LPIN3: variants seen among roughly 807,000 people sequenced by gnomAD.
LPIN3 encodes phosphatidate phosphatase LPIN3.
A neutral mutation model predicts 94.7 loss-of-function variants in LPIN3; 82 were observed. That is an observed-to-expected ratio of 0.87 (90% confidence interval 0.72 to 1.04). The LOEUF is 1.04. Ranked by LOEUF, LPIN3 falls within the 50% of genes least tolerant of loss-of-function variation. The pLI, the probability that LPIN3 is intolerant of heterozygous loss-of-function variation, is 0.00. For synonymous variants in LPIN3, 418 were observed against 443.3 expected (o/e 0.94, Z 0.72); for missense variants, 996 against 1,090.5 (o/e 0.91, Z 1.22).
chr20:41,350,280 A>G lies in LPIN3; in HGVS notation c.985A>G (p.Ser329Gly). The change falls in exon 7 of 20, where the codon AGC becomes GGC. Residue 329 changes from serine (S) to glycine (G), a missense_variant. Physicochemically the swap from Ser to Gly is moderately conservative, Grantham distance 56. Transcript: ENST00000373257. ...PPLHTPETEE[S>G]KTQSSGDMGL... ...TCTCCACACCCCAGAGACAGAGGAAAGCAAGACTCAGAGCTCTGGGGACAT... is the reference window on the plus strand; with the variant it reads ...TCTCCACACCCCAGAGACAGAGGAAGGCAAGACTCAGAGCTCTGGGGACAT... The G allele has an allele frequency of 6.2e-7, 1 of 1,613,788 alleles. No homozygotes were observed. Among genetic ancestry groups the G allele is most frequent in the Non-Finnish European group, 8.5e-7 (1 of 1,179,852 alleles).
In LPIN3 at chr20:41,352,845, C is replaced by T. The variant is rs1436929498; in HGVS notation, c.1505C>T (p.Ala502Val). 2 of 1,614,090 alleles carry T rather than the reference C, an allele frequency of 1.2e-6. No individual in the cohort carries two copies. The highest frequency in any genetic ancestry group is 1.7e-6 in the Non-Finnish European group (2 of 1,180,046). ...VAAPMILSLQ[A>V]FQKNLPKSTM... Reference sequence around the variant, plus strand: ...GCCCCCATGATCCTCTCCCTGCAAGCCTTCCAGAAAAACTTGCCCAAGGTA... The same window carrying T: ...GCCCCCATGATCCTCTCCCTGCAAGTCTTCCAGAAAAACTTGCCCAAGGTA... The change falls in exon 11 of 20, where the codon GCC (alanine) becomes GTC (valine). Residue 502 changes from alanine to valine, a missense_variant. By Grantham distance (64) the Ala-to-Val change is moderately conservative. Coordinates refer to ENST00000373257, the MANE Select transcript of LPIN3 (RefSeq NM_022896.3).
chr20:41,349,903 C>T lies in LPIN3; in HGVS notation c.759+9C>T. 1 of 1,610,378 alleles carries T rather than the reference C, an allele frequency of 6.2e-7. No homozygotes were observed. Reference sequence around the variant, plus strand: ...GGGGGAGGCTGCCTAAGGTGAGTCCCTCTGTATCAACCCCAGGCCCGGCCT... The same window carrying T: ...GGGGGAGGCTGCCTAAGGTGAGTCCTTCTGTATCAACCCCAGGCCCGGCCT... On this transcript the variant is annotated intron_variant, in intron 6 of 19. Transcript: ENST00000373257.
rs2046248691 is a variant in LPIN3, at chr20:41,357,375, G to C, written c.1967G>C (p.Gly656Ala). Residue 656 changes from glycine (G) to alanine (A), a missense_variant, in exon 16 of 20, where the codon GGC (glycine) becomes GCC (alanine). Transcript: ENST00000373257. ...TCTCACTCTAGGTCAGATGCTCTGG[G>C]CCATATCCTGCCCCAGCTGGGGAAA... ...DGTITKSDAL[G>A]HILPQLGKDW... is the part of the protein sequence containing the mutation. The C allele has an allele frequency of 6.2e-7, 1 of 1,613,904 alleles. No individual in the cohort carries two copies. The highest frequency in any genetic ancestry group is 1.1e-5 in the South Asian group (1 of 91,058).
chr20:41,352,738 C>G (rs1449514033), intron 10 of LPIN3, 39 bp downstream of exon 10: 4 of 1,611,992 alleles, frequency 2.5e-6, no homozygotes, highest in Non-Finnish European at 3.4e-6. Context: ...GCCGGAGAGT[C>G]ATTTCCCTCT....
intron 9 of LPIN3, 134 bp downstream of exon 9, chr20:41,352,354 G>A: frequency 1.9e-6 from 2 of 1,072,236 alleles, no homozygotes; most frequent in South Asian, 1.5e-5. Flanking sequence ...GCCCTGTGCA[G>A]TCCACACTCC....
chr20:41,343,080 G>A (rs997338788), intron 1 of LPIN3, among the ~76,000 whole-genome samples: 1 of 152,178 alleles, frequency 6.6e-6, no homozygotes, highest in Non-Finnish European at 1.5e-5. Flanking sequence ...AGTGCTACTG[G>A]CATCTAATGG....
chr20:41,346,117 G>A (rs2045766001), intron 2 of LPIN3, 122 bp downstream of exon 2: 2 of 1,016,122 alleles, frequency 2.0e-6, no homozygotes, highest in South Asian at 1.6e-5. Flanking sequence ...CTCTGGACAG[G>A]CTTCCCTTCA....
chr20:41,357,698 A>C (rs1403344463), intron 16 of LPIN3, among the ~76,000 whole-genome samples, 184 bp from the exon 17 acceptor site: 1 of 152,218 alleles, frequency 6.6e-6, no homozygotes, highest in Non-Finnish European at 1.5e-5. Flanking sequence ...TGGTCCACCC[A>C]GGCCTCAGGA....
chr20:41,356,094 T>A, intron 14 of LPIN3, 60 bp downstream of exon 14: 2 of 1,585,520 alleles, frequency 1.3e-6, no homozygotes, highest in Non-Finnish European at 1.7e-6. Flanking sequence ...TGTCTTAGAG[T>A]CCCTCAGGAC....
chr20:41,353,889 G>A (rs564859426), intron 11 of LPIN3, among the ~76,000 whole-genome samples: 1 of 152,354 alleles, frequency 6.6e-6, no homozygotes, highest in East Asian at 1.9e-4. Flanking sequence ...CTGTGGGAAG[G>A]AAGAGGGTCC....
At chr20:41,356,060 G>T in intron 14 of LPIN3, 26 bp downstream of exon 14, 1 of 1,608,912 alleles carries the variant, frequency 6.2e-7, no homozygotes, top group Non-Finnish European at 8.5e-7. Flanking sequence ...CTGTGTGGAG[G>T]TTGGGGAGGG....
At chr20:41,356,993 G>T in intron 14 of LPIN3, 47 bp from the exon 15 acceptor site, 1 of 1,594,518 alleles carries the variant, frequency 6.3e-7, no homozygotes, top group Non-Finnish European at 8.6e-7. Flanking sequence ...GGTAGGCAGT[G>T]CCTGGCTGTC....
At chr20:41,347,108 G>A (rs2045807273) in intron 2 of LPIN3, among the ~76,000 whole-genome samples, 1 of 152,180 alleles carries the variant, frequency 6.6e-6, no homozygotes, top group African/African-American at 2.4e-5. Flanking sequence ...ATAATCTATA[G>A]AAAACACTCC....
chr20:41,358,945 G>A lies in LPIN3; in HGVS notation c.*79G>A, dbSNP rs2046313404. The A allele has an allele frequency of 6.5e-6, 10 of 1,545,368 alleles. No homozygotes were observed. The Admixed American group carries it at 1.9e-4, about 29-fold the overall frequency. ...CCTGGGGTATAGGAGGGTGGGAATT[G>A]GAGTGTCATGGGGCAAACCCACTGA... On this transcript the variant is annotated 3_prime_UTR_variant, in exon 20 of 20. Transcript: ENST00000373257.
Position 41,350,355 on chromosome 20 carries a change from C to T in LPIN3, c.1060C>T (p.Pro354Ser). ...ATGGAGCTGGGCCACTCTGGAGGTT[C>T]CAGTTCCCACCGGGCAGCCAGAGAG... is the stretch of plus-strand genomic sequence containing the variant. ...KSWSWATLEV[P>S]VPTGQPERVS... Residue 354 changes from proline (P) to serine (S), a missense_variant, in exon 7 of 20, where the codon CCA (proline) becomes TCA (serine). Transcript: ENST00000373257. The T allele has an allele frequency of 6.3e-7, 1 of 1,592,190 alleles. No individual in the cohort carries two copies. The highest frequency in any genetic ancestry group is 8.6e-7 in the Non-Finnish European group (1 of 1,164,766).
intron 18 of LPIN3, 40 bp from the exon 19 acceptor site, chr20:41,358,399 T>G: frequency 6.2e-7 from 1 of 1,613,396 alleles, no homozygotes; most frequent in South Asian, 1.1e-5. Context: ...CCCAGCTGCC[T>G]GCAGGCCTCC....
intron 1 of LPIN3, among the ~76,000 whole-genome samples, chr20:41,341,258 G>A (rs1411276294): frequency 6.6e-6 from 1 of 152,190 alleles, no homozygotes; most frequent in African/African-American, 2.4e-5. Flanking sequence ...GGCTGGCCCA[G>A]CTTTACCCCA....
rs2046250001 is a variant in LPIN3 at position 41,357,404 on chromosome 20, T to G, written c.1996T>G (p.Trp666Gly). The G allele has an allele frequency of 6.2e-7, 1 of 1,614,002 alleles. No homozygotes were observed. Among genetic ancestry groups the G allele is most frequent in the Non-Finnish European group, 8.5e-7 (1 of 1,179,970 alleles). ...GHILPQLGKD[W>G]THQGITSLYH... ...TATCCTGCCCCAGCTGGGGAAAGAC[T>G]GGACACACCAGGGCATCACCAGTCT... Residue 666 changes from tryptophan to glycine, a missense_variant, in exon 16 of 20, where the codon TGG becomes GGG. Coordinates refer to ENST00000373257, the MANE Select transcript of LPIN3 (RefSeq NM_022896.3).
In LPIN3 at chr20:41,348,074, G is replaced by A. The variant is rs141154649; in HGVS notation, c.288+427G>A. Among the ~76,000 whole-genome samples the A allele has an allele frequency of 2.4e-4, 37 of 152,288 alleles. 1 individual carries two copies. The East Asian group carries it at 7.1e-3, about 29-fold the overall frequency. ...TGTAAGTGGTGGGTGTTCGCACAGG[G>A]GAGGCAGGGCCCAGCAGAAGCCAGC... On this transcript the variant is annotated intron_variant, in intron 3 of 19. Transcript: ENST00000373257.
Sources: gnomAD v4.1 joint callset for allele counts (sites outside exome capture counted in the v4.1 genomes callset) on GRCh38, gnomAD v4.1.1 for gene constraint, MANE v1.5 for transcripts, NCBI Gene and HGNC (gene_info 2026-07-23, HGNC 2026-07-21) for gene names.